Variants in GOLGA3 observed in about 807,000 individuals in gnomAD.
The protein encoded by GOLGA3 is golgin subfamily A member 3.
In GOLGA3, 75 loss-of-function variants were observed where a neutral mutation model predicts 169.4. The ratio of observed to expected loss-of-function variants is 0.44; its 90% CI spans 0.37 to 0.54. GOLGA3 has a LOEUF of 0.54. Among genes scored for constraint, GOLGA3 ranks in the 20% least tolerant of loss-of-function variants. The pLI is 0.00. For missense variants in GOLGA3, 1,899 were observed against 1,930.0 expected (o/e 0.98, Z 0.30); for synonymous variants, 824 against 822.4 (o/e 1.00, Z -0.03).
chr12:132,798,814 T>C (rs1038598404), intron 8 of GOLGA3, among the ~76,000 whole-genome samples: 2 of 152,166 alleles, frequency 1.3e-5, no homozygotes, highest in African/African-American at 2.4e-5. Context: ...TGAGCCCCTG[T>C]AGGTGAGGAG....
rs371016206 is a variant in GOLGA3 at position 132,780,009 on chromosome 12, G to A, written c.3582+789C>T. Among the ~76,000 whole-genome samples, 207 of 132,984 alleles carry A rather than the reference G, an allele frequency of 1.6e-3. 3 individuals are homozygous for A. In the East Asian group the frequency reaches 0.041, roughly 26 times the overall value. 87.2% of individuals were successfully genotyped at this position (132,984 alleles called of 152,430 possible). The stretch of plus-strand genomic sequence containing the variant: ...GTGCACACACACCCCAGGCACACAC[G>A]TGCGCACACACACCACAGCCCTTGC... On this transcript the variant is annotated intron_variant, in intron 18 of 23. Coordinates refer to ENST00000450791, the MANE Select transcript of GOLGA3 (RefSeq NM_001389683.1).
rs543511386 is a variant in GOLGA3 at position 132,770,807 on chromosome 12, G to T, written c.*2298C>A. On this transcript the variant is annotated 3_prime_UTR_variant, in exon 24 of 24. Coordinates refer to ENST00000450791, the MANE Select transcript of GOLGA3 (RefSeq NM_001389683.1). The stretch of plus-strand genomic sequence containing the variant: ...GCACTACGACACCCGGCTAATTTTT[G>T]TATGTTTAGTAAAGACGGGGTTTTG... 3.3e-5 allele frequency: 5 copies of T among 152,204 alleles called. No homozygotes were observed. In the South Asian group the frequency reaches 6.2e-4, roughly 19 times the overall value. The allele number at this position is 152,204 out of a possible 1,614,324, so 9.4% of individuals were successfully genotyped here. A position where few individuals can be genotyped will look rare whatever the true frequency, so the allele number is the denominator to read the frequency against.
intron 18 of GOLGA3, among the ~76,000 whole-genome samples, chr12:132,778,801 A>G (rs945925835): frequency 2.6e-5 from 4 of 151,246 alleles, no homozygotes; most frequent in African/African-American, 9.7e-5. Flanking sequence ...AGGCTGAGGC[A>G]GGAGAATCAC....
In GOLGA3 at chr12:132,775,250, T is replaced by A. The variant is rs763664034; in HGVS notation, c.4034A>T (p.Asp1345Val). Residue 1345 changes from aspartate (D) to valine (V), a missense_variant, in exon 22 of 24, where the codon GAT (aspartate) becomes GTT (valine). Transcript: ENST00000450791. ...CACTTTTGCCTGGAGCATAAATTTA[T>A]CCTTCTGGGTCATGGACAGGTCTTC... ...AQEDLSMTQK[D>V]KFMLQAKVSE... The A allele has an allele frequency of 4.3e-6, 7 of 1,614,106 alleles. No individual in the cohort carries two copies. The highest frequency in any genetic ancestry group is 5.9e-6 in the Non-Finnish European group (7 of 1,179,906).
intron 12 of GOLGA3, among the ~76,000 whole-genome samples, chr12:132,789,883 A>T (rs1192159136): frequency 6.6e-6 from 1 of 152,058 alleles, no homozygotes; most frequent in Non-Finnish European, 1.5e-5. Flanking sequence ...AATACAAAAA[A>T]CTAGCCAGGC....
Position 132,784,206 on chromosome 12 carries a change from C to T in GOLGA3, c.3225G>A (p.Glu1075=), listed in dbSNP as rs1190633680. The change falls in exon 16 of 24, where the codon GAG becomes GAA. Residue 1075 remains glutamate, a synonymous_variant. Transcript: ENST00000450791. ...LQEVIALTSQ[E]LEESREKVLE... ...GCACCTTCTCCCGGGACTCCTCCAG[C>T]TCCTGGCTGGTCAGCGCTATGACCT... 6.2e-7 allele frequency: 1 copy of T among 1,610,648 alleles called. No individual in the cohort carries two copies.
Position 132,773,168 on chromosome 12 carries a change from G to A in GOLGA3, c.4434C>T (p.Gly1478=). The change falls in exon 24 of 24, where the codon GGC becomes GGT. Residue 1478 remains glycine (G), a synonymous_variant. Coordinates refer to ENST00000450791, the MANE Select transcript of GOLGA3 (RefSeq NM_001389683.1). ...ASPVPPGGHA[G]PRGDPQRHSQ... is the part of the protein sequence containing the mutation. ...TGTGTCTCTGTGGGTCGCCGCGTGG[G>A]CCGGCGTGACCCCCCGGGGGCACAG... 3 of 1,585,122 alleles carry A rather than the reference G, an allele frequency of 1.9e-6. No homozygotes were observed. The highest frequency in any genetic ancestry group is 2.6e-6 in the Non-Finnish European group (3 of 1,164,922).
chr12:132,809,700 G>C (rs1482946699), intron 4 of GOLGA3, among the ~76,000 whole-genome samples: 2 of 152,112 alleles, frequency 1.3e-5, no homozygotes, highest in South Asian at 2.1e-4. Context: ...TATGATTATA[G>C]AGCGAGGATT....
intron 1 of GOLGA3, chr12:132,826,026 T>TC: frequency 1.7e-6 from 2 of 1,206,076 alleles, no homozygotes; most frequent in Non-Finnish European, 2.5e-6. Context: ...CACAAGAACA[T>TC]GTCTGTACAC....
In GOLGA3 at chr12:132,777,457, G is replaced by A. The variant is rs1358742189; in HGVS notation, c.3722+209C>T. On this transcript the variant is annotated intron_variant, in intron 19 of 23. Coordinates refer to ENST00000450791, the MANE Select transcript of GOLGA3 (RefSeq NM_001389683.1). The surrounding 1 kb of genome is among the most constrained non-coding windows in gnomAD (Gnocchi z 4.7). ...TGAAGCTAAGTACTCCTGCTGGGGCGCTTTCTCTCTTGGGGGGAGGACACG... is the reference window on the plus strand; with the variant it reads ...TGAAGCTAAGTACTCCTGCTGGGGCACTTTCTCTCTTGGGGGGAGGACACG... 1.3e-5 allele frequency among the ~76,000 whole-genome samples: 2 copies of A among 152,202 alleles called. No homozygotes were observed. The highest frequency in any genetic ancestry group is 2.4e-5 in the African/African-American group (1 of 41,442).
At chr12:132,818,180 A>G (rs1389528168) in intron 2 of GOLGA3, among the ~76,000 whole-genome samples, 1 of 142,696 alleles carries the variant, frequency 7.0e-6, no homozygotes, top group African/African-American at 2.5e-5. Context: ...CGCCCTCCAC[A>G]CCTCTACACT....
At chr12:132,814,104 A>T (rs1478106750) in intron 3 of GOLGA3, among the ~76,000 whole-genome samples, 1 of 146,772 alleles carries the variant, frequency 6.8e-6, no homozygotes. Flanking sequence ...GGCTCACCAC[A>T]ACCTCTGCCT....
rs374756335 is a variant in GOLGA3 at position 132,801,739 on chromosome 12, T to C, written c.1800+28A>G. 99 of 1,591,988 alleles carry C rather than the reference T, an allele frequency of 6.2e-5. No homozygotes were observed. In the African/African-American group the frequency reaches 1.2e-3, roughly 20 times the overall value. On this transcript the variant is annotated intron_variant, in intron 8 of 23. Transcript: ENST00000450791. ...CTACATGAAGACAAGAAGCGTGACC[T>C]GCCCTGGAAGGTAGATGTGGGCCGT...
At chr12:132,824,157 C>CA (rs1350579505) in intron 1 of GOLGA3, among the ~76,000 whole-genome samples, 1 of 152,180 alleles carries the variant, frequency 6.6e-6, no homozygotes, top group Non-Finnish European at 1.5e-5. Context: ...ACTGACCCCG[C>CA]AGCAGGACGT....
At chr12:132,774,584 C>T (rs1342031098) in intron 22 of GOLGA3, 4 of 543,870 alleles carry the variant, frequency 7.4e-6, no homozygotes, top group East Asian at 6.4e-5. Flanking sequence ...AGGACGGGGC[C>T]GAGCCACAGA....
At chr12:132,799,969 G>A (rs1459146076) in intron 8 of GOLGA3, among the ~76,000 whole-genome samples, 14 of 152,088 alleles carry the variant, frequency 9.2e-5, no homozygotes, top group Non-Finnish European at 1.8e-4. Flanking sequence ...TTGAACTCCT[G>A]GCCTCAAGTG....
At chr12:132,821,853 CAAAAAAAAAA>C (rs11301977) in intron 2 of GOLGA3, 133 bp downstream of exon 2, 3 of 393,792 alleles carry the variant, frequency 7.6e-6, no homozygotes, top group African/African-American at 3.0e-5. Flanking sequence ...GACTCCGTCT[CAAAAAAAAAA>C]AAAAAAAAAA....
rs1301516796 is a variant in GOLGA3 at position 132,777,166 on chromosome 12, G to A, written c.3723-76C>T. The A allele has an allele frequency of 6.8e-7, 1 of 1,480,392 alleles. No individual in the cohort carries two copies. The highest frequency in any genetic ancestry group is 1.4e-5 in the African/African-American group (1 of 71,114). The allele number at this position is 1,480,392 out of a possible 1,614,324, so 91.7% of individuals were successfully genotyped here. A position where few individuals can be genotyped will look rare whatever the true frequency, so the allele number is the denominator to read the frequency against. ...CTGTGCCCTCCCGCTGGGAAATGCT[G>A]CCTGTGGAAGGCGTTCGTCCTGGCA... On this transcript the variant is annotated intron_variant, in intron 19 of 23. Transcript: ENST00000450791. This position sits in a 1 kb window ranked among gnomAD's most constrained non-coding sequence, Gnocchi z 4.7.
At chr12:132,820,214 C>T (rs1031846880) in intron 2 of GOLGA3, among the ~76,000 whole-genome samples, 2 of 151,966 alleles carry the variant, frequency 1.3e-5, no homozygotes, top group Non-Finnish European at 2.9e-5. Context: ...TGACACGCAT[C>T]GATAGTCACC....
Sources: allele counts gnomAD v4.1 joint callset (sites outside exome capture counted in the v4.1 genomes callset), GRCh38; gene constraint gnomAD v4.1.1; non-coding constraint Gnocchi (gnomAD v3.1); transcripts MANE v1.5; gene names NCBI Gene and HGNC (gene_info 2026-07-23, HGNC 2026-07-21).